The following ACSL5 variants were observed in gnomAD, a reference collection of about 807,000 sequenced individuals.
ACSL5 encodes acyl-CoA synthetase long chain family member 5, also known as long-chain-fatty-acid--CoA ligase 5.
In ACSL5, 50 loss-of-function variants were observed where a neutral mutation model predicts 84.9. The ratio of observed to expected loss-of-function variants is 0.59; its 90% CI spans 0.47 to 0.75. The LOEUF (loss-of-function observed/expected upper bound fraction) is 0.75. Among genes scored for constraint, ACSL5 ranks in the 30% least tolerant of loss-of-function variants. The pLI is 0.00. For synonymous variants in ACSL5, 280 were observed against 300.7 expected (o/e 0.93, Z 0.71); for missense variants, 775 against 830.4 (o/e 0.93, Z 0.82).
intron 17 of ACSL5, chr10:112,424,798 G>C (rs1844606785): frequency 6.6e-6 from 1 of 152,328 alleles, no homozygotes; most frequent in East Asian, 1.9e-4. Flanking sequence ...ATGACCTTTG[G>C]TGGCTGGTCA....
intron 1 of ACSL5, among the ~76,000 whole-genome samples, chr10:112,388,823 T>C (rs1435509951): frequency 6.6e-6 from 1 of 152,088 alleles, no homozygotes; most frequent in African/African-American, 2.4e-5. Context: ...GAAGTGACAT[T>C]TGAGGTGAGG....
intron 14 of ACSL5, among the ~76,000 whole-genome samples, chr10:112,419,037 TTAA>T (rs1198638370): frequency 6.6e-6 from 1 of 152,062 alleles, no homozygotes; most frequent in East Asian, 1.9e-4. Flanking sequence ...TTATAATCAA[TTAA>T]TAATCTAGAA....
At chr10:112,405,987 A>C (rs1201086400) in intron 5 of ACSL5, among the ~76,000 whole-genome samples, 2 of 152,042 alleles carry the variant, frequency 1.3e-5, no homozygotes, top group Non-Finnish European at 2.9e-5. Flanking sequence ...GCTGTCTCAG[A>C]CCTGGCAGAG....
At chr10:112,382,641 T>C (rs17129748) in intron 1 of ACSL5, among the ~76,000 whole-genome samples, 73,644 of 151,910 alleles carry the variant, frequency 0.48, 17,938 homozygotes, top group South Asian at 0.58. Context: ...CAGCAAAGAT[T>C]TTACCAGTGG....
chr10:112,423,205 A>T (rs1844531072), intron 17 of ACSL5, among the ~76,000 whole-genome samples: 1 of 55,890 alleles, frequency 1.8e-5, no homozygotes, highest in African/African-American at 5.8e-5. Flanking sequence ...AAAAAAAAAA[A>T]AAAAAAAAAA....
chr10:112,421,217 G>C (rs1470541959), intron 14 of ACSL5, among the ~76,000 whole-genome samples: 3 of 152,178 alleles, frequency 2.0e-5, no homozygotes, highest in African/African-American at 7.2e-5. Context: ...GGAGTACAAT[G>C]GCGTGATTTC....
chr10:112,426,944 T>A (rs1409097965), intron 20 of ACSL5, 85 bp downstream of exon 20: 5 of 1,197,544 alleles, frequency 4.2e-6, no homozygotes, highest in Non-Finnish European at 4.9e-6. Context: ...AAATGTATAA[T>A]TTCTAAGGAA....
chr10:112,414,210 G>A (rs1844259454), intron 12 of ACSL5, among the ~76,000 whole-genome samples: 2 of 152,028 alleles, frequency 1.3e-5, no homozygotes, highest in Non-Finnish European at 2.9e-5. Context: ...ATAAAACCTG[G>A]TGAATATTTG....
rs1319863806 is a variant in ACSL5, at chr10:112,394,981, T to C, written c.35T>C (p.Leu12Pro). 2 of 1,613,908 alleles carry C rather than the reference T, an allele frequency of 1.2e-6. No homozygotes were observed. Among genetic ancestry groups the C allele is most frequent in the African/African-American group, 2.7e-5 (2 of 74,906 alleles). ...ATCTTTAACTTTTTGTTTTCCCCAC[T>C]TCCGACCCCGGCGTTGATCTGCATC... ...LFIFNFLFSP[L>P]PTPALICILT... Residue 12 changes from leucine (L) to proline (P), a missense_variant, in exon 2 of 21, where the codon CTT becomes CCT. By Grantham distance (98) the Leu-to-Pro change is moderately conservative (BLOSUM62 -3). Coordinates refer to ENST00000354655, the MANE Select transcript of ACSL5 (RefSeq NM_203379.2).
At chr10:112,387,554 G>A (rs1849478078) in intron 1 of ACSL5, among the ~76,000 whole-genome samples, 1 of 152,130 alleles carries the variant, frequency 6.6e-6, no homozygotes, top group South Asian at 2.1e-4. Context: ...TTAGAAGCTG[G>A]GTTAGAAATG....
chr10:112,397,348 T>G (rs1843772261), intron 2 of ACSL5, among the ~76,000 whole-genome samples: 1 of 152,032 alleles, frequency 6.6e-6, no homozygotes, highest in African/African-American at 2.4e-5. Flanking sequence ...TTTTGTATTT[T>G]TAATAGAGAG....
At chr10:112,419,320 A>G (rs370190081) in intron 14 of ACSL5, 10 of 152,242 alleles carry the variant, frequency 6.6e-5, no homozygotes, top group Admixed American at 2.6e-4. Flanking sequence ...ACATCTTTCT[A>G]TTGCTTATTG....
intron 2 of ACSL5, among the ~76,000 whole-genome samples, chr10:112,398,593 C>A (rs371803421): frequency 4.2e-4 from 64 of 152,004 alleles, no homozygotes; most frequent in African/African-American, 1.4e-3. Context: ...TTAGTAGAGA[C>A]GGGGTTTCAT....
chr10:112,405,678 A>C (rs1844018157), intron 5 of ACSL5, among the ~76,000 whole-genome samples: 1 of 152,180 alleles, frequency 6.6e-6, no homozygotes, highest in South Asian at 2.1e-4. Flanking sequence ...GGGGGTTAGG[A>C]CCACTGCCTA....
At chr10:112,382,706 G>A (rs1431441180) in intron 1 of ACSL5, among the ~76,000 whole-genome samples, 1 of 152,184 alleles carries the variant, frequency 6.6e-6, no homozygotes, top group Non-Finnish European at 1.5e-5. Flanking sequence ...TGTGGCCCAG[G>A]ACACCTGTCT....
intron 1 of ACSL5, among the ~76,000 whole-genome samples, chr10:112,383,513 C>T (rs1209667380): frequency 1.3e-5 from 2 of 152,252 alleles, no homozygotes; most frequent in African/African-American, 4.8e-5. Flanking sequence ...GTGACTCAGC[C>T]TTCACCTTTG....
rs1564746634 is a variant in ACSL5 at position 112,426,242 on chromosome 10, T to A, written c.1738-16T>A. 6.2e-7 allele frequency: 1 copy of A among 1,608,486 alleles called. No individual in the cohort carries two copies. Among genetic ancestry groups the A allele is most frequent in the Non-Finnish European group, 8.5e-7 (1 of 1,174,878 alleles). Reference sequence around the variant, plus strand: ...ACTTCTCTCATGCCCTTGCACCTTTTATTTCCTTTCCATAGTCATCCTTAG... The same window carrying A: ...ACTTCTCTCATGCCCTTGCACCTTTAATTTCCTTTCCATAGTCATCCTTAG... On this transcript the variant is annotated splice_polypyrimidine_tract_variant and intron_variant, in intron 18 of 20. Coordinates refer to ENST00000354655, the MANE Select transcript of ACSL5 (RefSeq NM_203379.2).
intron 1 of ACSL5, among the ~76,000 whole-genome samples, chr10:112,376,856 G>A (rs1030446937): frequency 6.6e-6 from 1 of 152,042 alleles, no homozygotes; most frequent in Non-Finnish European, 1.5e-5. Context: ...GGAGCTGAGT[G>A]TATTTTAGGA....
chr10:112,394,717 T>G, intron 1 of ACSL5: 1 of 983,186 alleles, frequency 1.0e-6, no homozygotes. Flanking sequence ...GGAGAATGTG[T>G]TCTATTATTT....
Sources: allele counts gnomAD v4.1 joint callset (sites outside exome capture counted in the v4.1 genomes callset), GRCh38; gene constraint gnomAD v4.1.1; transcripts MANE v1.5; gene names NCBI Gene and HGNC (gene_info 2026-07-23, HGNC 2026-07-21).